The following KIAA1328 variants were observed in gnomAD, a reference collection of about 807,000 sequenced individuals.
The protein encoded by KIAA1328 is KIAA1328.
In KIAA1328, 52 loss-of-function variants were observed where a neutral mutation model predicts 68.1. The ratio of observed to expected loss-of-function variants is 0.76; its 90% CI spans 0.61 to 0.96. The LOEUF is 0.96. KIAA1328 is among the 40% of genes least tolerant of loss of function. KIAA1328 has a pLI of 0.00. For synonymous variants in KIAA1328, 232 were observed against 239.4 expected, an observed-to-expected ratio of 0.97 and a Z score of 0.28; for missense variants, 641 against 677.6, an observed-to-expected ratio of 0.95 and a Z score of 0.60.
intron 4 of KIAA1328, among the ~76,000 whole-genome samples, chr18:36,877,638 CTT>C (rs565504030): frequency 6.3e-4 from 86 of 135,616 alleles, no homozygotes; most frequent in African/African-American, 2.1e-3. Context: ...GGTCTTGACT[CTT>C]TATCCAATTT....
intron 6 of KIAA1328, among the ~76,000 whole-genome samples, chr18:36,990,617 G>A (rs1393277875): frequency 1.3e-5 from 2 of 151,924 alleles, no homozygotes; most frequent in African/African-American, 4.8e-5. Flanking sequence ...GCTGCAGTGA[G>A]CTGAGTTCTC....
At chr18:36,963,833 G>T (rs572655997) in intron 6 of KIAA1328, among the ~76,000 whole-genome samples, 1 of 152,074 alleles carries the variant, frequency 6.6e-6, no homozygotes, top group Non-Finnish European at 1.5e-5. Context: ...TTGAAAACAG[G>T]CATCTTGTTG....
chr18:36,847,403 C>CAACT (rs2047065236), intron 4 of KIAA1328, among the ~76,000 whole-genome samples: 1 of 151,454 alleles, frequency 6.6e-6, no homozygotes, highest in Non-Finnish European at 1.5e-5. Context: ...GTATACTCAC[C>CAACT]AACTCTTGGT....
chr18:37,046,991 G>A (rs2055496918), intron 6 of KIAA1328, among the ~76,000 whole-genome samples: 1 of 152,148 alleles, frequency 6.6e-6, no homozygotes, highest in South Asian at 2.1e-4. Context: ...AATTAGCTGG[G>A]TGTGATGGCA....
rs72890602 is a variant in KIAA1328, at chr18:37,067,359, G to A, written c.1046G>A (p.Gly349Asp). 6.2e-7 allele frequency: 1 copy of A among 1,613,846 alleles called. No individual in the cohort carries two copies. ...RLSWASLVHG[G>D]GALQPIETLK... The stretch of plus-strand genomic sequence containing the variant: ...TCTTGGGCATCTCTGGTGCATGGTG[G>A]TGGGGCACTGCAACCCATTGAAACT... Residue 349 changes from glycine to aspartate, a missense_variant, in exon 7 of 10, where the codon GGT becomes GAT. Gly to Asp is a moderately conservative substitution (Grantham distance 94). Coordinates refer to ENST00000280020, the MANE Select transcript of KIAA1328 (RefSeq NM_020776.3).
Position 36,835,294 on chromosome 18 carries a change from T to G in KIAA1328, c.155T>G (p.Val52Gly). ...AAGCTGATGAGTCCAAAAGCTGATG[T>G]TAAACTTAAGACTTCCAGGGTGACT... The part of the protein sequence containing the change: ...RHKLMSPKAD[V>G]KLKTSRVTDA... The change falls in exon 3 of 10, where the codon GTT becomes GGT. Residue 52 changes from valine to glycine, a missense_variant. Coordinates refer to ENST00000280020, the MANE Select transcript of KIAA1328 (RefSeq NM_020776.3). 1 of 1,613,808 alleles carries G rather than the reference T, an allele frequency of 6.2e-7. No individual in the cohort carries two copies. The highest frequency in any genetic ancestry group is 8.5e-7 in the Non-Finnish European group (1 of 1,179,760).
intron 7 of KIAA1328, among the ~76,000 whole-genome samples, chr18:37,101,938 A>T (rs2057631042): frequency 1.3e-5 from 2 of 152,338 alleles, no homozygotes; most frequent in South Asian, 4.1e-4. Context: ...TGAAGGAGAA[A>T]AAACACCAAT....
chr18:37,182,825 A>G (rs759749900), intron 9 of KIAA1328, among the ~76,000 whole-genome samples: 1 of 152,214 alleles, frequency 6.6e-6, no homozygotes, highest in African/African-American at 2.4e-5. Context: ...AAATTCAACT[A>G]TGTATGCAAA....
intron 6 of KIAA1328, among the ~76,000 whole-genome samples, chr18:36,969,675 A>G (rs1437539253): frequency 6.6e-6 from 1 of 152,212 alleles, no homozygotes; most frequent in East Asian, 1.9e-4. Context: ...TCAAGACCAG[A>G]TAAATTCACA....
chr18:37,047,978 A>G (rs2055542185), intron 6 of KIAA1328, among the ~76,000 whole-genome samples: 1 of 152,044 alleles, frequency 6.6e-6, no homozygotes, highest in Non-Finnish European at 1.5e-5. Context: ...TATGCATACT[A>G]CTCCCTTATA....
At chr18:37,103,188 CA>C (rs1412473439) in intron 7 of KIAA1328, among the ~76,000 whole-genome samples, 5 of 152,090 alleles carry the variant, frequency 3.3e-5, no homozygotes, top group African/African-American at 9.7e-5. Context: ...TATGAAATCA[CA>C]AAAGATCCCA....
At chr18:37,020,100 A>G (rs1160348865) in intron 6 of KIAA1328, among the ~76,000 whole-genome samples, 1 of 152,130 alleles carries the variant, frequency 6.6e-6, no homozygotes, top group Non-Finnish European at 1.5e-5. Context: ...GGACACAGCT[A>G]GCAGGTGAAA....
intron 7 of KIAA1328, among the ~76,000 whole-genome samples, chr18:37,144,726 C>T (rs527979637): frequency 7.4e-4 from 112 of 152,016 alleles, no homozygotes; most frequent in Non-Finnish European, 6.3e-4. Flanking sequence ...GTTGGGGTTT[C>T]GCCATGTTGC....
chr18:37,111,567 G>T (rs544638854), intron 7 of KIAA1328, among the ~76,000 whole-genome samples: 1 of 152,298 alleles, frequency 6.6e-6, no homozygotes, highest in East Asian at 1.9e-4. Flanking sequence ...GTTCCAAAAT[G>T]GCCAAATAGG....
intron 5 of KIAA1328, among the ~76,000 whole-genome samples, chr18:36,958,358 A>G (rs1013358779): frequency 1.3e-5 from 2 of 152,160 alleles, no homozygotes; most frequent in Non-Finnish European, 2.9e-5. Context: ...TCTTGAGTAT[A>G]TACCTAGGAG....
chr18:37,150,485 G>T lies in KIAA1328; in HGVS notation c.1233-9715G>T, dbSNP rs934067446. Among the ~76,000 whole-genome samples the T allele has an allele frequency of 2.0e-5, 3 of 151,818 alleles. No homozygotes were observed. In the South Asian group the frequency reaches 6.2e-4, roughly 32 times the overall value. On this transcript the variant is annotated intron_variant, in intron 7 of 9. Transcript: ENST00000280020. The stretch of plus-strand genomic sequence containing the variant: ...GAAGGAACTATTCTCAACTTCTTTT[G>T]TGAGGTCTGAACCTGGTAAAGGCAT...
intron 4 of KIAA1328, among the ~76,000 whole-genome samples, chr18:36,873,782 G>A (rs1198347146): frequency 6.6e-6 from 1 of 152,108 alleles, no homozygotes; most frequent in Non-Finnish European, 1.5e-5. Flanking sequence ...GTGGTTTGCT[G>A]CACCCATCAA....
intron 8 of KIAA1328, among the ~76,000 whole-genome samples, chr18:37,168,657 G>A (rs997831528): frequency 3.3e-5 from 5 of 152,154 alleles, no homozygotes; most frequent in Admixed American, 6.5e-5. Context: ...TAAATGACAT[G>A]TTTAACCAAA....
chr18:37,098,422 G>A (rs1343161908), intron 7 of KIAA1328, among the ~76,000 whole-genome samples: 2 of 152,198 alleles, frequency 1.3e-5, no homozygotes, highest in Non-Finnish European at 2.9e-5. Flanking sequence ...CAGGGATGAA[G>A]CCCACTTGAT....
Sources: allele counts gnomAD v4.1 joint callset (sites outside exome capture counted in the v4.1 genomes callset), GRCh38; gene constraint gnomAD v4.1.1; transcripts MANE v1.5; gene names NCBI Gene and HGNC (gene_info 2026-07-23, HGNC 2026-07-21).